TMEM209: variants seen among roughly 807,000 people sequenced by gnomAD.
TMEM209 encodes the protein transmembrane protein 209.
TMEM209 carries 65 observed loss-of-function variants against 76.2 expected under a neutral mutation model. The observed-to-expected ratio is 0.85, with a 90% CI of 0.70 to 1.05. The LOEUF (loss-of-function observed/expected upper bound fraction) is 1.05, where lower values mean the gene tolerates loss of function less well. Ranked by LOEUF, TMEM209 falls within the 50% of genes least tolerant of loss-of-function variation. The pLI is 0.00. For missense variants in TMEM209, 623 were observed against 685.5 expected (o/e 0.91, Z 1.02); for synonymous variants, 239 against 237.6 (o/e 1.01, Z -0.06).
At position 130,170,435 on chromosome 7, in the gene TMEM209, G is replaced by A. The variant is rs774184290; in HGVS notation, c.1596C>T (p.Leu532=). 6.2e-7 allele frequency: 1 copy of A among 1,613,140 alleles called. No homozygotes were observed. Among genetic ancestry groups the A allele is most frequent in the South Asian group, 1.1e-5 (1 of 90,978 alleles). The part of the protein sequence containing the change: ...NNMFHTLLMF[L]YIIKTKESGM... ...CTGACTCTTTGGTCTTTATGATGTA[G>A]AGAAACATCAACAATGTATGAAACA... The change falls in exon 14 of 15, where the codon CTC becomes CTT. Residue 532 remains leucine (L), a synonymous_variant. Coordinates refer to ENST00000397622, the MANE Select transcript of TMEM209 (RefSeq NM_032842.4).
chr7:130,165,225 C>G lies in TMEM209; in HGVS notation c.*1226G>C, dbSNP rs984302801. 6.6e-6 allele frequency: 1 copy of G among 152,056 alleles called. No homozygotes were observed. Among genetic ancestry groups the G allele is most frequent in the African/African-American group, 2.4e-5 (1 of 41,416 alleles). 9.4% of individuals were successfully genotyped at this position (152,056 alleles called of 1,614,324 possible). A position where few individuals can be genotyped will look rare whatever the true frequency, so the allele number is the denominator to read the frequency against. On this transcript the variant is annotated 3_prime_UTR_variant, in exon 15 of 15. Transcript: ENST00000397622. ...CAGAAAAGACTAGTTTCAGCTGTTT[C>G]CAGGTTTACATAAGATGATGGAAGC...
chr7:130,170,327 C>T (rs1169748216), intron 14 of TMEM209, 73 bp downstream of exon 14: 9 of 1,260,830 alleles, frequency 7.1e-6, no homozygotes, highest in African/African-American at 1.5e-5. Context: ...CATGCTGCTG[C>T]CTTCTGCAGA....
Position 130,181,807 on chromosome 7 carries a change from AT to A in TMEM209, c.1024-89del, listed in dbSNP as rs543959048. Reference sequence around the variant, plus strand: ...TTCTTTTTTACAAGCAACTCTAAGAATTTTTTTTACTATCTTATAGTTGAAT... The same window carrying A: ...TTCTTTTTTACAAGCAACTCTAAGAATTTTTTTACTATCTTATAGTTGAAT... On this transcript the variant is annotated intron_variant, in intron 8 of 14. Transcript: ENST00000397622. 57 of 1,056,124 alleles carry A rather than the reference AT, an allele frequency of 5.4e-5. No individual in the cohort carries two copies. The Admixed American group carries it at 5.9e-4, about 11-fold the overall frequency. 65.4% of individuals were successfully genotyped at this position (1,056,124 alleles called of 1,614,324 possible). A position where few individuals can be genotyped will look rare whatever the true frequency, so the allele number is the denominator to read the frequency against.
chr7:130,179,049 A>C (rs1305421101), intron 9 of TMEM209, among the ~76,000 whole-genome samples: 1 of 152,104 alleles, frequency 6.6e-6, no homozygotes, highest in Non-Finnish European at 1.5e-5. Flanking sequence ...TGGACTCCCC[A>C]AGTGTTGAGA....
intron 8 of TMEM209, among the ~76,000 whole-genome samples, chr7:130,183,369 A>G (rs1223216175): frequency 2.0e-5 from 3 of 152,200 alleles, no homozygotes; most frequent in Non-Finnish European, 4.4e-5. Flanking sequence ...GAGTAAGTCT[A>G]GGATTGGGTT....
chr7:130,181,181 T>C (rs375874825), intron 9 of TMEM209, among the ~76,000 whole-genome samples: 98 of 152,354 alleles, frequency 6.4e-4, no homozygotes, highest in Middle Eastern at 3.4e-3. Flanking sequence ...TTGAAAGCAT[T>C]ATGCTCAGTG....
chr7:130,181,515 G>GT (rs1797411953), intron 9 of TMEM209, 108 bp downstream of exon 9: 1 of 891,022 alleles, frequency 1.1e-6, no homozygotes. Flanking sequence ...GACATTTGGG[G>GT]TTTTTCACCC....
At chr7:130,171,778 C>T (rs1325882894) in intron 13 of TMEM209, among the ~76,000 whole-genome samples, 1 of 152,044 alleles carries the variant, frequency 6.6e-6, no homozygotes, top group Admixed American at 6.6e-5. Flanking sequence ...TGTTATCATC[C>T]CAGCACTTTG....
chr7:130,205,147 G>A, intron 1 of TMEM209: 4 of 1,457,274 alleles, frequency 2.7e-6, no homozygotes, highest in Non-Finnish European at 2.7e-6. Context: ...TAGCTTTCGC[G>A]CCACTCAGCC....
intron 14 of TMEM209, among the ~76,000 whole-genome samples, chr7:130,168,083 C>T (rs1197013297): frequency 6.6e-6 from 1 of 151,960 alleles, no homozygotes; most frequent in Non-Finnish European, 1.5e-5. Flanking sequence ...AAGTGCTGCT[C>T]CACTAAGCAC....
rs760939839 is a variant in TMEM209, at chr7:130,203,991, TC to T, written c.122del (p.Gly41GlufsTer2). ...TCACTTACATTTCAGTATATATCAT[TC>T]CAGCCATAGATACATTTAGGAGTCC... is the stretch of plus-strand genomic sequence containing the variant. ...AWGLLNVSMAGMIYTEMTGKL... is the reference protein window; with the variant it reads ...AWGLLNVSMAXMIYTEMTGKL... On this transcript the variant is annotated frameshift_variant, in exon 2 of 15. Transcript: ENST00000397622. LOFTEE classifies it high-confidence loss of function. The T allele has an allele frequency of 6.2e-7, 1 of 1,612,858 alleles. No individual in the cohort carries two copies. The highest frequency in any genetic ancestry group is 8.5e-7 in the Non-Finnish European group (1 of 1,179,708).
At chr7:130,176,363 C>T (rs576562713) in intron 10 of TMEM209, among the ~76,000 whole-genome samples, 1 of 152,040 alleles carries the variant, frequency 6.6e-6, no homozygotes, top group East Asian at 1.9e-4. Flanking sequence ...CCTTGTGATC[C>T]ATCTGCCTGG....
chr7:130,202,301 AAGTT>A (rs112472113), intron 4 of TMEM209, among the ~76,000 whole-genome samples: 1,676 of 152,294 alleles, frequency 0.011, 40 homozygotes, highest in African/African-American at 0.039. Context: ...TCAACTCAGC[AAGTT>A]AGTCATTTAA....
intron 14 of TMEM209, among the ~76,000 whole-genome samples, chr7:130,167,933 G>A (rs975365619): frequency 1.3e-5 from 2 of 151,984 alleles, no homozygotes; most frequent in South Asian, 2.1e-4. Context: ...GCTTTTCCCC[G>A]AGTTTAAAAA....
chr7:130,178,361 T>A, intron 10 of TMEM209, 41 bp downstream of exon 10: 1 of 1,537,246 alleles, frequency 6.5e-7, no homozygotes, highest in South Asian at 1.2e-5. Flanking sequence ...TCCAGCATAG[T>A]AAAAAAGCTC....
intron 5 of TMEM209, chr7:130,199,716 T>C (rs1798121572): frequency 6.6e-6 from 1 of 152,186 alleles, no homozygotes; most frequent in Non-Finnish European, 1.5e-5. Context: ...AAATTATTTC[T>C]TTAAAAATAA....
At chr7:130,200,432 C>T (rs753640836) in intron 5 of TMEM209, among the ~76,000 whole-genome samples, 5 of 152,048 alleles carry the variant, frequency 3.3e-5, no homozygotes, top group Non-Finnish European at 7.4e-5. Context: ...TCTTTTGGAT[C>T]GACACTCCCA....
chr7:130,204,303 T>C (rs918422448), intron 1 of TMEM209, among the ~76,000 whole-genome samples, 193 bp from the exon 2 acceptor site: 4 of 152,206 alleles, frequency 2.6e-5, no homozygotes, highest in African/African-American at 7.2e-5. Flanking sequence ...TGTAACTTAA[T>C]TGGCATCACA....
chr7:130,176,716 T>C (rs1367987918), intron 10 of TMEM209, among the ~76,000 whole-genome samples: 1 of 152,194 alleles, frequency 6.6e-6, no homozygotes, highest in Middle Eastern at 3.2e-3. Context: ...ATGGGAAGCA[T>C]ATAGCTTAAA....
Sources: gnomAD v4.1 joint callset for allele counts (sites outside exome capture counted in the v4.1 genomes callset) on GRCh38, gnomAD v4.1.1 for gene constraint, MANE v1.5 for transcripts, NCBI Gene and HGNC (gene_info 2026-07-23, HGNC 2026-07-21) for gene names.